The following RCAN1 variants were observed in gnomAD, a reference collection of about 807,000 sequenced individuals.
The protein encoded by RCAN1 is regulator of calcineurin 1.
RCAN1 carries 11 observed loss-of-function variants against 22.9 expected under a neutral mutation model. The ratio of observed to expected loss-of-function variants is 0.48; its 90% CI spans 0.30 to 0.79. The LOEUF (loss-of-function observed/expected upper bound fraction) is 0.79. RCAN1 is among the 30% of genes least tolerant of loss of function. The probability of loss-of-function intolerance (pLI) is 0.06; values close to 1 mark genes in which losing one functional copy is unlikely to be tolerated. For synonymous variants in RCAN1, 136 were observed against 142.3 expected, an observed-to-expected ratio of 0.96 and a Z score of 0.32; for missense variants, 291 against 337.8, an observed-to-expected ratio of 0.86 and a Z score of 1.09.
chr21:34,519,591 G>T (rs1399006300), intron 3 of RCAN1, among the ~76,000 whole-genome samples: 2 of 151,886 alleles, frequency 1.3e-5, no homozygotes, highest in Non-Finnish European at 2.9e-5. Flanking sequence ...TAGAGACGAG[G>T]TTTCACCATG....
chr21:34,559,883 T>C (rs1303170838), intron 1 of RCAN1: 2 of 152,188 alleles, frequency 1.3e-5, no homozygotes, highest in Admixed American at 6.5e-5. Context: ...CGGATGGCTG[T>C]ACCCAAATAT....
intron 1 of RCAN1, among the ~76,000 whole-genome samples, chr21:34,533,020 GCAC>G (rs1568890781): frequency 1.9e-4 from 29 of 151,326 alleles, no homozygotes; most frequent in Admixed American, 1.6e-3. Context: ...GAGTGCAGTG[GCAC>G]TATCTCGGCT....
At chr21:34,596,783 G>A (rs904754171) in intron 1 of RCAN1, among the ~76,000 whole-genome samples, 2 of 152,150 alleles carry the variant, frequency 1.3e-5, no homozygotes, top group Non-Finnish European at 2.9e-5. Flanking sequence ...TTTATCTTGC[G>A]AGAACCTTTG....
chr21:34,607,728 T>C (rs1373080844), intron 1 of RCAN1, among the ~76,000 whole-genome samples: 1 of 152,176 alleles, frequency 6.6e-6, no homozygotes, highest in Non-Finnish European at 1.5e-5. Context: ...TCAAAAAAGT[T>C]TCCAAATTAA....
intron 1 of RCAN1, among the ~76,000 whole-genome samples, chr21:34,581,322 A>G (rs1386432692): frequency 6.6e-6 from 1 of 152,212 alleles, no homozygotes; most frequent in Non-Finnish European, 1.5e-5. Context: ...GCCTCTGCTT[A>G]GGCAGTTCTC....
intron 1 of RCAN1, among the ~76,000 whole-genome samples, chr21:34,609,537 A>G (rs887132361): frequency 6.6e-5 from 10 of 152,176 alleles, no homozygotes; most frequent in African/African-American, 2.4e-4. Context: ...TTAAAAGGAG[A>G]GAAACAAAGA....
intron 1 of RCAN1, among the ~76,000 whole-genome samples, chr21:34,550,426 A>G (rs8133520): frequency 0.24 from 36,677 of 152,076 alleles, 5,162 homozygotes; most frequent in African/African-American, 0.39. Flanking sequence ...ATGGGTGACT[A>G]AGTTAAATTG....
At chr21:34,541,964 T>G (rs1216553968) in intron 1 of RCAN1, among the ~76,000 whole-genome samples, 1 of 152,158 alleles carries the variant, frequency 6.6e-6, no homozygotes, top group African/African-American at 2.4e-5. Context: ...AAAAAATTTT[T>G]TTAATGCTAT....
chr21:34,555,955 C>T (rs940159664), intron 1 of RCAN1, among the ~76,000 whole-genome samples: 4 of 151,130 alleles, frequency 2.6e-5, no homozygotes, highest in African/African-American at 7.3e-5. Context: ...CTCAGCTACT[C>T]GGGAGGCTGA....
At position 34,600,214 on chromosome 21, in the gene RCAN1, TA is replaced by T. The variant is rs145244360; in HGVS notation, c.252+14545del. Among the ~76,000 whole-genome samples, 1,327 of 152,306 alleles carry T rather than the reference TA, an allele frequency of 8.7e-3. 17 individuals are homozygous for T. The highest frequency in any genetic ancestry group is 0.025 in the African/African-American group (1,025 of 41,548). On this transcript the variant is annotated intron_variant, in intron 1 of 3. Transcript: ENST00000313806. ...GTTTTTAAAGGTTAGTTCATTTAAT[TA>T]AAAGCACAGCAGGGTGCTGCCTACT... is the stretch of plus-strand genomic sequence containing the variant.
At chr21:34,534,097 C>T (rs984769560) in intron 1 of RCAN1, among the ~76,000 whole-genome samples, 1 of 152,130 alleles carries the variant, frequency 6.6e-6, no homozygotes, top group Admixed American at 6.5e-5. Context: ...ACATGATTTC[C>T]ATATTACAGA....
chr21:34,543,377 G>A (rs1415732230), intron 1 of RCAN1, among the ~76,000 whole-genome samples: 7 of 152,190 alleles, frequency 4.6e-5, no homozygotes, highest in African/African-American at 9.7e-5. Context: ...GCAGAGATTC[G>A]AGTGATATGG....
chr21:34,538,526 C>T (rs535558200), intron 1 of RCAN1, among the ~76,000 whole-genome samples: 1 of 152,288 alleles, frequency 6.6e-6, no homozygotes, highest in Non-Finnish European at 1.5e-5. Context: ...GGGTACTGGC[C>T]GCTTCCAGAC....
At chr21:34,603,110 C>T (rs1226616656) in intron 1 of RCAN1, among the ~76,000 whole-genome samples, 1 of 151,214 alleles carries the variant, frequency 6.6e-6, no homozygotes, top group Non-Finnish European at 1.5e-5. Flanking sequence ...AGCTTCTCTG[C>T]AGCACAAGGC....
At chr21:34,553,204 C>T (rs1296290965) in intron 1 of RCAN1, among the ~76,000 whole-genome samples, 1 of 152,194 alleles carries the variant, frequency 6.6e-6, no homozygotes, top group Non-Finnish European at 1.5e-5. Context: ...CCACAATGGA[C>T]TTTTAGATGA....
At chr21:34,526,728 A>T in intron 1 of RCAN1, 1 of 1,613,620 alleles carries the variant, frequency 6.2e-7, no homozygotes, top group Non-Finnish European at 8.5e-7. Flanking sequence ...CTAAAACTGT[A>T]GTTAAAGTTT....
At chr21:34,543,051 G>A (rs1233271180) in intron 1 of RCAN1, among the ~76,000 whole-genome samples, 2 of 152,222 alleles carry the variant, frequency 1.3e-5, no homozygotes, top group Non-Finnish European at 2.9e-5. Flanking sequence ...TCATGTGGTG[G>A]TGGTGGCACA....
At position 34,523,426 on chromosome 21, in the gene RCAN1, G is replaced by A. The variant is rs896045023; in HGVS notation, c.426+111C>T. 3 of 1,007,878 alleles carry A rather than the reference G, an allele frequency of 3.0e-6. No individual in the cohort carries two copies. In the Admixed American group the frequency reaches 8.2e-5, roughly 28 times the overall value. The allele number at this position is 1,007,878 out of a possible 1,614,324, so 62.4% of individuals were successfully genotyped here. On this transcript the variant is annotated intron_variant, in intron 2 of 3. Transcript: ENST00000313806. ...GAGTAGGAATTTTGTCTTTCTCAAGGTGAAGTCTCAGAGTTTCCGGTCAGC... is the reference window on the plus strand; with the variant it reads ...GAGTAGGAATTTTGTCTTTCTCAAGATGAAGTCTCAGAGTTTCCGGTCAGC...
At chr21:34,556,065 AAAATAAATAAATAAAT>A (rs71324312) in intron 1 of RCAN1, among the ~76,000 whole-genome samples, 8 of 108,152 alleles carry the variant, frequency 7.4e-5, no homozygotes, top group African/African-American at 1.9e-4. Flanking sequence ...TCCATTTCAA[AAAATAAATAAATAAAT>A]AAATAAATAA....
Sources: allele counts gnomAD v4.1 joint callset (sites outside exome capture counted in the v4.1 genomes callset), GRCh38; gene constraint gnomAD v4.1.1; transcripts MANE v1.5; gene names NCBI Gene and HGNC (gene_info 2026-07-23, HGNC 2026-07-21).